Variants in PCGF3 observed in about 807,000 individuals in gnomAD.
PCGF3 encodes polycomb group RING finger protein 3.
Under a neutral mutation model 33.1 loss-of-function variants are expected in PCGF3, and 7 were observed. The observed-to-expected ratio is 0.21, with a 90% confidence interval of 0.12 to 0.40. The LOEUF is 0.40. PCGF3 is among the 10% of genes least tolerant of loss of function. PCGF3 has a pLI of 1.00. For missense variants in PCGF3, 211 were observed against 313.3 expected, an observed-to-expected ratio of 0.67 and a Z score of 2.46; for synonymous variants, 153 against 121.3, an observed-to-expected ratio of 1.26 and a Z score of -1.72.
intron 6 of PCGF3, among the ~76,000 whole-genome samples, chr4:742,744 C>T (rs1001512366): frequency 5.9e-5 from 9 of 152,184 alleles, no homozygotes; most frequent in East Asian, 1.9e-4. Flanking sequence ...TGCTGCGGCC[C>T]GTCTGCCGCC....
intron 6 of PCGF3, 165 bp downstream of exon 6, chr4:737,686 C>T: frequency 1.6e-6 from 1 of 615,558 alleles, no homozygotes; most frequent in Non-Finnish European, 2.9e-6. Flanking sequence ...TGGCTGGTCT[C>T]TTCTTTCGTC....
At chr4:735,486 C>T (rs1382844305) in intron 5 of PCGF3, among the ~76,000 whole-genome samples, 1 of 152,180 alleles carries the variant, frequency 6.6e-6, no homozygotes, top group East Asian at 1.9e-4. Context: ...GCCGAGGTTG[C>T]AGTAAGCGGA....
intron 4 of PCGF3, chr4:734,160 G>A (rs1743738016): frequency 6.6e-7 from 1 of 1,506,192 alleles, no homozygotes; most frequent in East Asian, 2.4e-5. Context: ...CTTCACACCT[G>A]ATGTGCGTCC....
chr4:755,151 T>C (rs1274722879), intron 8 of PCGF3, among the ~76,000 whole-genome samples: 1 of 152,240 alleles, frequency 6.6e-6, no homozygotes, highest in Non-Finnish European at 1.5e-5. Flanking sequence ...GCACACGGCG[T>C]TGTGTGCGTG....
intron 9 of PCGF3, chr4:762,054 G>A (rs1745090768): frequency 1.6e-5 from 16 of 985,230 alleles, no homozygotes; most frequent in Middle Eastern, 5.2e-4. Flanking sequence ...TGGTGGGGGC[G>A]GTCAGGGTGG....
At chr4:717,619 C>G (rs529944191) in intron 1 of PCGF3, among the ~76,000 whole-genome samples, 37 of 152,350 alleles carry the variant, frequency 2.4e-4, no homozygotes, top group African/African-American at 8.9e-4. Flanking sequence ...ACCTCGTGAT[C>G]TGCCCACCTT....
chr4:755,074 C>T (rs1319736551), intron 8 of PCGF3, among the ~76,000 whole-genome samples: 2 of 152,214 alleles, frequency 1.3e-5, no homozygotes, highest in Non-Finnish European at 2.9e-5. Flanking sequence ...AGTTGCATTT[C>T]GAGGTGTGTA....
At chr4:718,630 G>C (rs1231135216) in intron 1 of PCGF3, among the ~76,000 whole-genome samples, 25 of 152,232 alleles carry the variant, frequency 1.6e-4, no homozygotes, top group Admixed American at 1.6e-3. Context: ...GGTCCACGGA[G>C]GTGGGGTCGG....
At chr4:725,873 C>T (rs910341246) in intron 1 of PCGF3, among the ~76,000 whole-genome samples, 3 of 152,192 alleles carry the variant, frequency 2.0e-5, no homozygotes, top group Admixed American at 1.3e-4. Context: ...CTCCTGGAAC[C>T]GCCTCAGTTT....
intron 8 of PCGF3, among the ~76,000 whole-genome samples, chr4:760,299 C>A (rs1430279243): frequency 1.3e-5 from 2 of 152,170 alleles, no homozygotes; most frequent in Non-Finnish European, 2.9e-5. Context: ...GTCTTCTCCC[C>A]TTTCTCTTAG....
At chr4:766,543 A>ATG (rs1432818462) in exon 11 of PCGF3, 1 of 152,960 alleles carries the variant, frequency 6.5e-6, no homozygotes, top group African/African-American at 2.4e-5. Context: ...GACAATATTT[A>ATG]TGTTGCCTTT....
intron 5 of PCGF3, among the ~76,000 whole-genome samples, chr4:736,253 G>A (rs1743816615): frequency 6.6e-6 from 1 of 152,080 alleles, no homozygotes; most frequent in Admixed American, 6.5e-5. Context: ...TCACCATGTT[G>A]GCCAGGCTGG....
At chr4:734,406 T>C (rs1045574079) in intron 4 of PCGF3, 2 of 1,372,062 alleles carry the variant, frequency 1.5e-6, no homozygotes, top group African/African-American at 1.5e-5. Flanking sequence ...TAAAATGAAG[T>C]GTACGCTTAT....
At chr4:724,993 T>A (rs1344837919) in intron 1 of PCGF3, 1 of 151,382 alleles carries the variant, frequency 6.6e-6, no homozygotes, top group Non-Finnish European at 1.5e-5. Flanking sequence ...GAAATTACTG[T>A]CTTAGTGTTG....
rs868527037 is a variant in PCGF3, at chr4:711,467, T to C, written c.-190+5497T>C. ...TCTTTTTTTTTTCTTTTTTTTTTTT[T>C]TGAGACGGAGTCTCGCTCTGTCGCC... is the stretch of plus-strand genomic sequence containing the variant. On this transcript the variant is annotated intron_variant, in intron 1 of 10. Coordinates refer to ENST00000362003, the Ensembl canonical transcript of PCGF3. 6.9e-3 allele frequency among the ~76,000 whole-genome samples: 981 copies of C among 142,316 alleles called. 13 individuals are homozygous for C. Among genetic ancestry groups the C allele is most frequent in the African/African-American group, 0.024 (938 of 39,308 alleles). 93.4% of individuals were successfully genotyped at this position (142,316 alleles called of 152,430 possible). A position where few individuals can be genotyped will look rare whatever the true frequency, so the allele number is the denominator to read the frequency against.
intron 1 of PCGF3, among the ~76,000 whole-genome samples, chr4:715,523 G>T (rs1435926062): frequency 2.8e-5 from 4 of 144,880 alleles, no homozygotes; most frequent in African/African-American, 1.0e-4. Context: ...GGGCGTCGGT[G>T]CTGGGACCCT....
intron 5 of PCGF3, 115 bp downstream of exon 5, chr4:735,142 C>G (rs932468163): frequency 1.7e-6 from 2 of 1,190,972 alleles, no homozygotes; most frequent in Non-Finnish European, 2.3e-6. Context: ...TGGCAGCAGC[C>G]TCTCCTGACC....
chr4:726,740 A>G (rs190129374), intron 1 of PCGF3, among the ~76,000 whole-genome samples: 1 of 151,238 alleles, frequency 6.6e-6, no homozygotes, highest in East Asian at 1.9e-4. Context: ...TTTTTTTTCT[A>G]ATTTCACCAC....
chr4:713,755 G>A (rs1422312287), intron 1 of PCGF3, among the ~76,000 whole-genome samples: 1 of 152,190 alleles, frequency 6.6e-6, no homozygotes, highest in African/African-American at 2.4e-5. Context: ...GTATGAACTT[G>A]TTGGATTCCT....
Sources: allele counts gnomAD v4.1 joint callset (sites outside exome capture counted in the v4.1 genomes callset), GRCh38; gene constraint gnomAD v4.1.1; transcripts MANE v1.5; gene names NCBI Gene and HGNC (gene_info 2026-07-23, HGNC 2026-07-21).